Variants in DLGAP2 observed in about 807,000 individuals in gnomAD.
The protein encoded by DLGAP2 is DLG associated protein 2.
In DLGAP2, 26 loss-of-function variants were observed where a neutral mutation model predicts 100.3. The observed-to-expected ratio is 0.26, with a 90% CI of 0.19 to 0.36. The LOEUF (loss-of-function observed/expected upper bound fraction) is 0.36, where lower values mean the gene tolerates loss of function less well. Ranked by LOEUF, DLGAP2 falls within the 10% of genes least tolerant of loss-of-function variation. The pLI, the probability that DLGAP2 is intolerant of heterozygous loss-of-function variation, is 1.00. For missense variants in DLGAP2, 1,858 were observed against 1,453.2 expected (o/e 1.28, Z -4.53); for synonymous variants, 886 against 630.1 (o/e 1.41, Z -6.08).
chr8:788,182 C>T (rs892335823), intron 1 of DLGAP2, among the ~76,000 whole-genome samples: 4 of 152,242 alleles, frequency 2.6e-5, no homozygotes, highest in Non-Finnish European at 4.4e-5. Context: ...GAAGCTGGTA[C>T]GTCGCTCCCA....
rs1230929777 is a variant in DLGAP2, at chr8:1,427,431, A to T, written c.107-73935A>T. On this transcript the variant is annotated intron_variant, in intron 3 of 14. Coordinates refer to ENST00000637795, the MANE Select transcript of DLGAP2 (RefSeq NM_001346810.2). ...ATAAATATGATGTGGCTACTCCCTC[A>T]TAATGTAATGCAGTTGAGTTAGAAA... is the stretch of plus-strand genomic sequence containing the variant. Among the ~76,000 whole-genome samples, 2 of 152,246 alleles carry T rather than the reference A, an allele frequency of 1.3e-5. 1 individual carries two copies. Among genetic ancestry groups the T allele is most frequent in the African/African-American group, 4.8e-5 (2 of 41,468 alleles).
At chr8:936,900 C>T (rs867801734) in intron 2 of DLGAP2, among the ~76,000 whole-genome samples, 1 of 152,190 alleles carries the variant, frequency 6.6e-6, no homozygotes, top group East Asian at 1.9e-4. Flanking sequence ...GTTTCACCAC[C>T]GTGGACCATT....
At chr8:750,809 C>T (rs1030038939) in intron 1 of DLGAP2, among the ~76,000 whole-genome samples, 1 of 152,202 alleles carries the variant, frequency 6.6e-6, no homozygotes, top group Non-Finnish European at 1.5e-5. Flanking sequence ...TTCCCTATTT[C>T]AAAAGGCCTA....
intron 3 of DLGAP2, among the ~76,000 whole-genome samples, chr8:1,356,664 G>C (rs1983530): frequency 0.44 from 67,487 of 152,032 alleles, 15,190 homozygotes; most frequent in Admixed American, 0.48. Context: ...CGTGACGGTT[G>C]GTGAATGAGG....
chr8:1,012,093 C>G (rs955586977), intron 2 of DLGAP2, among the ~76,000 whole-genome samples: 2 of 152,168 alleles, frequency 1.3e-5, no homozygotes, highest in African/African-American at 4.8e-5. Context: ...CGCAGGAAGA[C>G]CAGACTCTGT....
intron 2 of DLGAP2, among the ~76,000 whole-genome samples, chr8:1,092,444 C>T (rs922097126): frequency 6.6e-6 from 1 of 152,170 alleles, no homozygotes; most frequent in South Asian, 2.1e-4. Context: ...TTCGCACTTT[C>T]CCCTTCCTCT....
At chr8:1,639,579 A>G (rs924810718) in intron 8 of DLGAP2, among the ~76,000 whole-genome samples, 3 of 152,222 alleles carry the variant, frequency 2.0e-5, no homozygotes, top group Admixed American at 2.0e-4. Context: ...AGGAACCCCT[A>G]CAAAGCAGGT....
At chr8:1,075,482 C>T (rs897522741) in intron 2 of DLGAP2, among the ~76,000 whole-genome samples, 20 of 152,098 alleles carry the variant, frequency 1.3e-4, no homozygotes, top group Non-Finnish European at 2.9e-4. Context: ...ACATTTTTCC[C>T]TCTACTGTCC....
chr8:1,385,828 C>T (rs1202283579), intron 3 of DLGAP2, among the ~76,000 whole-genome samples: 1 of 149,714 alleles, frequency 6.7e-6, no homozygotes, highest in Non-Finnish European at 1.5e-5. Context: ...TGCACAGTTA[C>T]CCCGGCCTAT....
intron 13 of DLGAP2, among the ~76,000 whole-genome samples, chr8:1,693,017 A>G (rs1243812476): frequency 6.7e-6 from 1 of 148,282 alleles, no homozygotes; most frequent in Non-Finnish European, 1.5e-5. Flanking sequence ...ATATGCATCT[A>G]TATGTTTATA....
At chr8:810,788 C>T (rs1456263714) in intron 1 of DLGAP2, among the ~76,000 whole-genome samples, 1 of 152,194 alleles carries the variant, frequency 6.6e-6, no homozygotes, top group Non-Finnish European at 1.5e-5. Flanking sequence ...ACTATGCCAA[C>T]ACATGCCAGA....
At chr8:750,016 C>T (rs144946566) in intron 1 of DLGAP2, among the ~76,000 whole-genome samples, 4 of 152,320 alleles carry the variant, frequency 2.6e-5, no homozygotes, top group East Asian at 1.9e-4. Flanking sequence ...CATGTGAGTG[C>T]GGTCAGGGCC....
intron 2 of DLGAP2, among the ~76,000 whole-genome samples, chr8:948,456 G>T (rs993778725): frequency 1.3e-5 from 2 of 152,346 alleles, no homozygotes; most frequent in African/African-American, 4.8e-5. Context: ...CTCAGGCCCG[G>T]CCTCCATCTC....
intron 6 of DLGAP2, among the ~76,000 whole-genome samples, chr8:1,568,434 C>A (rs1802504913): frequency 6.8e-6 from 1 of 147,460 alleles, no homozygotes; most frequent in East Asian, 2.1e-4. Context: ...AGACACAAAT[C>A]CACTCTGCCC....
chr8:1,496,281 C>T (rs149614077), intron 3 of DLGAP2, among the ~76,000 whole-genome samples: 60 of 152,148 alleles, frequency 3.9e-4, no homozygotes, highest in African/African-American at 1.3e-3. Context: ...ATTGCGGTGT[C>T]GGTGGAAGCA....
intron 2 of DLGAP2, among the ~76,000 whole-genome samples, chr8:1,112,998 A>G (rs1422342563): frequency 1.1e-4 from 16 of 152,152 alleles, no homozygotes; most frequent in Non-Finnish European, 2.4e-4. Flanking sequence ...AGCTTTGTCT[A>G]AGATCAGATG....
chr8:1,240,498 G>A (rs1798763744), intron 2 of DLGAP2, among the ~76,000 whole-genome samples: 1 of 150,096 alleles, frequency 6.7e-6, no homozygotes, highest in South Asian at 2.1e-4. Flanking sequence ...CTCTCACATG[G>A]CGCCGTGTCT....
At chr8:1,183,670 G>A (rs1038146672) in intron 2 of DLGAP2, among the ~76,000 whole-genome samples, 4 of 152,158 alleles carry the variant, frequency 2.6e-5, no homozygotes, top group African/African-American at 9.7e-5. Context: ...TGGAGCCCAG[G>A]AGACAGGGCA....
intron 1 of DLGAP2, among the ~76,000 whole-genome samples, chr8:799,823 C>A (rs1193995534): frequency 6.6e-6 from 1 of 152,196 alleles, no homozygotes; most frequent in Non-Finnish European, 1.5e-5. Context: ...TTGCGAGCTC[C>A]TGGGCTCAGG....
Sources: allele counts gnomAD v4.1 joint callset (sites outside exome capture counted in the v4.1 genomes callset), GRCh38; gene constraint gnomAD v4.1.1; transcripts MANE v1.5; gene names NCBI Gene and HGNC (gene_info 2026-07-23, HGNC 2026-07-21).